SLC5A7: variants seen among roughly 807,000 people sequenced by gnomAD.
SLC5A7 encodes high affinity choline transporter 1.
A neutral mutation model predicts 55.4 loss-of-function variants in SLC5A7; 19 were observed. That is an observed-to-expected ratio of 0.34 (90% CI 0.24 to 0.50). The LOEUF (loss-of-function observed/expected upper bound fraction) is 0.50, where lower values mean the gene tolerates loss of function less well. Ranked by LOEUF, SLC5A7 falls within the 20% of genes least tolerant of loss-of-function variation. SLC5A7 has a pLI of 0.98. For missense variants in SLC5A7, 506 were observed against 705.3 expected, an observed-to-expected ratio of 0.72 and a Z score of 3.20; for synonymous variants, 265 against 263.7, an observed-to-expected ratio of 1.00 and a Z score of -0.05.
Position 107,992,323 on chromosome 2 carries a change from T to TA in SLC5A7, c.292+111dup, listed in dbSNP as rs562398944. 510 of 601,462 alleles carry TA rather than the reference T, an allele frequency of 8.5e-4. 2 individuals are homozygous for TA. Among genetic ancestry groups the TA allele is most frequent in the Non-Finnish European group, 1.3e-3 (450 of 355,162 alleles). 37.3% of individuals were successfully genotyped at this position (601,462 alleles called of 1,614,324 possible). A position where few individuals can be genotyped will look rare whatever the true frequency, so the allele number is the denominator to read the frequency against. On this transcript the variant is annotated intron_variant, in intron 3 of 8. Coordinates refer to ENST00000264047, the MANE Select transcript of SLC5A7 (RefSeq NM_021815.5). ...AGTCAAACACTCTGAATAACCATTG[T>TA]AAAAAAATGTCCCCAGAGATCTTTA...
At chr2:107,992,025 C>T (rs1328671116) in intron 2 of SLC5A7, 81 bp from the exon 3 acceptor site, 1 of 772,472 alleles carries the variant, frequency 1.3e-6, no homozygotes, top group Non-Finnish European at 2.2e-6. Flanking sequence ...TCAGTAACTT[C>T]TAGTAGCCAC....
At chr2:108,009,687 A>G (rs1678242768) in intron 8 of SLC5A7, among the ~76,000 whole-genome samples, 1 of 152,158 alleles carries the variant, frequency 6.6e-6, no homozygotes, top group African/African-American at 2.4e-5. Flanking sequence ...TACATGTGCC[A>G]CATTTTCTTT....
At chr2:108,005,033 A>G (rs1678050615) in intron 6 of SLC5A7, among the ~76,000 whole-genome samples, 2 of 152,244 alleles carry the variant, frequency 1.3e-5, no homozygotes, top group Admixed American at 1.3e-4. Flanking sequence ...CAATATAGGT[A>G]TGTATATCTA....
intron 5 of SLC5A7, among the ~76,000 whole-genome samples, chr2:108,000,353 G>A (rs1050449578): frequency 1.4e-4 from 22 of 152,132 alleles, no homozygotes; most frequent in African/African-American, 5.1e-4. Flanking sequence ...CTTAAGGAAT[G>A]GATATCTTTC....
chr2:107,993,573 A>G lies in SLC5A7; in HGVS notation c.448+446A>G, dbSNP rs77163305. Among the ~76,000 whole-genome samples, 123 of 152,306 alleles carry G rather than the reference A, an allele frequency of 8.1e-4. 1 individual carries two copies. The East Asian group carries it at 0.022, about 27-fold the overall frequency. ...ATGATTTATATCTTAATTTCTTCCA[A>G]TAAGTGTTCTTCCTGCAAACTGAGA... On this transcript the variant is annotated intron_variant, in intron 4 of 8. Transcript: ENST00000264047.
intron 2 of SLC5A7, among the ~76,000 whole-genome samples, chr2:107,989,067 A>G (rs73953528): frequency 0.023 from 3,536 of 152,288 alleles, 54 homozygotes; most frequent in East Asian, 0.041. Context: ...ACTTTGCACT[A>G]AAGTGGTTCT....
chr2:108,006,081 T>C lies in SLC5A7; in HGVS notation c.774T>C (p.Phe258=), dbSNP rs1330029287. 1.2e-6 allele frequency: 2 copies of C among 1,614,126 alleles called. No individual in the cohort carries two copies. Residue 258 remains phenylalanine (F), a synonymous_variant, in exon 7 of 9, where the codon TTT becomes TTC. Coordinates refer to ENST00000264047, the MANE Select transcript of SLC5A7 (RefSeq NM_021815.5). ...GTGGAATCCCATGGCAAGCATACTT[T>C]CAGAGGGTTCTCTCTTCTTCCTCAG... The part of the protein sequence containing the change: ...MLGGIPWQAY[F]QRVLSSSSAT...
chr2:108,010,576 A>G lies in SLC5A7; in HGVS notation c.1458A>G (p.Thr486=). ...CATTTAAAACACTTGCCATGGTTAC[A>G]TCATTCTTAACCAACATTTGCATCT... ...KFPFKTLAMV[T]SFLTNICISY... is the part of the protein sequence containing the mutation. The change falls in exon 9 of 9, where the codon ACA becomes ACG. Residue 486 remains threonine (T), a synonymous_variant. Coordinates refer to ENST00000264047, the MANE Select transcript of SLC5A7 (RefSeq NM_021815.5). The G allele has an allele frequency of 6.2e-7, 1 of 1,613,952 alleles. No individual in the cohort carries two copies. Among genetic ancestry groups the G allele is most frequent in the Non-Finnish European group, 8.5e-7 (1 of 1,179,936 alleles).
At chr2:108,003,626 C>T (rs1455366748) in intron 6 of SLC5A7, among the ~76,000 whole-genome samples, 1 of 152,114 alleles carries the variant, frequency 6.6e-6, no homozygotes, top group Non-Finnish European at 1.5e-5. Context: ...AGTGTATCTC[C>T]TGGTCACACT....
rs1276058049 is a variant in SLC5A7, at chr2:108,012,010, G to T, written c.*1149G>T. The T allele has an allele frequency of 3.9e-5, 6 of 152,552 alleles. No homozygotes were observed. The highest frequency in any genetic ancestry group is 8.8e-5 in the Non-Finnish European group (6 of 68,020). 9.4% of individuals were successfully genotyped at this position (152,552 alleles called of 1,614,324 possible). A position where few individuals can be genotyped will look rare whatever the true frequency, so the allele number is the denominator to read the frequency against. On this transcript the variant is annotated 3_prime_UTR_variant, in exon 9 of 9. Coordinates refer to ENST00000264047, the MANE Select transcript of SLC5A7 (RefSeq NM_021815.5). ...AAATAACTACTGCAAAAAGTACATA[G>T]TGAATTTTAAAATGTAGAAGAAAGC...
At chr2:108,009,436 C>A (rs934458659) in intron 8 of SLC5A7, among the ~76,000 whole-genome samples, 10 of 151,966 alleles carry the variant, frequency 6.6e-5, no homozygotes, top group African/African-American at 2.4e-4. Flanking sequence ...CCTATTGACC[C>A]GTCCTCTAAG....
intron 6 of SLC5A7, among the ~76,000 whole-genome samples, chr2:108,004,755 G>C (rs565209204): frequency 6.6e-6 from 1 of 151,914 alleles, no homozygotes; most frequent in Non-Finnish European, 1.5e-5. Context: ...TTTCCTATTA[G>C]TTTCTCTCTC....
Position 108,010,681 on chromosome 2 carries a change from C to T in SLC5A7, c.1563C>T (p.His521=), listed in dbSNP as rs1678291209. Reference sequence around the variant, plus strand: ...TATTTGATGCTGTTGTTGCAAGACACAGTGAAGAAAACATGGATAAGACAA... The same window carrying T: ...TATTTGATGCTGTTGTTGCAAGACATAGTGAAGAAAACATGGATAAGACAA... ...LDVFDAVVAR[H]SEENMDKTIL... Residue 521 remains histidine (H), a synonymous_variant, in exon 9 of 9, where the codon CAC becomes CAT. Transcript: ENST00000264047. The T allele has an allele frequency of 6.2e-7, 1 of 1,613,844 alleles. No individual in the cohort carries two copies. The highest frequency in any genetic ancestry group is 8.5e-7 in the Non-Finnish European group (1 of 1,179,900).
At chr2:107,992,254 G>A (rs1319521461) in intron 3 of SLC5A7, 35 bp downstream of exon 3, 1 of 1,247,212 alleles carries the variant, frequency 8.0e-7, no homozygotes, top group South Asian at 1.2e-5. Context: ...GACTCACTCA[G>A]TAAAGTATAC....
chr2:108,002,192 G>A lies in SLC5A7; in HGVS notation c.741+152G>A, dbSNP rs545422382. The A allele has an allele frequency of 1.0e-4, 94 of 919,440 alleles. No individual in the cohort carries two copies. The South Asian group carries it at 1.5e-3, about 15-fold the overall frequency. 57.0% of individuals were successfully genotyped at this position (919,440 alleles called of 1,614,324 possible). A position where few individuals can be genotyped will look rare whatever the true frequency, so the allele number is the denominator to read the frequency against. ...TCTCTATCGGGAGGGTGGAGCCAGG[G>A]CCGGACTATCGTGGCTGGCAGTGTC... is the stretch of plus-strand genomic sequence containing the variant. On this transcript the variant is annotated intron_variant, in intron 6 of 8. Transcript: ENST00000264047.
At chr2:108,008,384 C>G (rs183435531) in intron 7 of SLC5A7, 81 bp from the exon 8 acceptor site, 1 of 1,046,452 alleles carries the variant, frequency 9.6e-7, no homozygotes, top group East Asian at 2.5e-5. Flanking sequence ...TCAAAACAAC[C>G]TAGTAAATAG....
chr2:107,995,275 A>G (rs1301097082), intron 4 of SLC5A7, among the ~76,000 whole-genome samples: 3 of 152,218 alleles, frequency 2.0e-5, no homozygotes, highest in Admixed American at 1.3e-4. Flanking sequence ...TTTCAGCTTC[A>G]TTATGATTTT....
chr2:108,005,551 T>C (rs1055122880), intron 6 of SLC5A7, among the ~76,000 whole-genome samples: 1 of 152,244 alleles, frequency 6.6e-6, no homozygotes, highest in Non-Finnish European at 1.5e-5. Flanking sequence ...AAGTTGATGA[T>C]ACATTGTCTT....
intron 5 of SLC5A7, among the ~76,000 whole-genome samples, chr2:108,000,992 G>A (rs1677869462): frequency 7.2e-6 from 1 of 139,430 alleles, no homozygotes; most frequent in African/African-American, 2.7e-5. Context: ...GCAATGTCCA[G>A]TCTCGGCTCA....
Sources: allele counts gnomAD v4.1 joint callset (sites outside exome capture counted in the v4.1 genomes callset), GRCh38; gene constraint gnomAD v4.1.1; transcripts MANE v1.5; gene names NCBI Gene and HGNC (gene_info 2026-07-23, HGNC 2026-07-21).